DMD: variants seen among roughly 807,000 people sequenced by gnomAD.
DMD encodes mutant dystrophin.
Under a neutral mutation model 330.1 loss-of-function variants are expected in DMD, and 63 were observed. The ratio of observed to expected loss-of-function variants is 0.19; its 90% CI spans 0.16 to 0.24. The LOEUF (loss-of-function observed/expected upper bound fraction) is 0.24, where lower values mean the gene tolerates loss of function less well. Among genes scored for constraint, DMD ranks in the 10% least tolerant of loss-of-function variants. The pLI, the probability that DMD is intolerant of heterozygous loss-of-function variation, is 1.00. For missense variants in DMD, 3,344 were observed against 2,684.1 expected, an observed-to-expected ratio of 1.25 and a Z score of -5.43; for synonymous variants, 1,223 against 959.8, an observed-to-expected ratio of 1.27 and a Z score of -5.07.
intron 30 of DMD, among the ~76,000 whole-genome samples, chrX:32,401,787 C>T (rs1285982163): frequency 8.9e-6 from 1 of 112,723 alleles, no homozygotes; most frequent in Non-Finnish European, 1.9e-5. Flanking sequence ...GATTTGATTG[C>T]TACGCATTGC....
chrX:31,510,796 A>T (rs756673464), intron 55 of DMD, among the ~76,000 whole-genome samples: 10 of 111,078 alleles, frequency 9.0e-5, no homozygotes, highest in South Asian at 3.8e-4. Flanking sequence ...GGCGTGAGCC[A>T]CCACACCTGG....
Position 31,228,442 on chromosome X carries a change from C to T in DMD, c.9287-5321G>A, listed in dbSNP as rs1204537456. ...GTTAACTGCCTGTGTTGTTTGAGTCCGCATGTGTTGCTAGGAGTCTGCAGC... is the reference window on the plus strand; with the variant it reads ...GTTAACTGCCTGTGTTGTTTGAGTCTGCATGTGTTGCTAGGAGTCTGCAGC... On this transcript the variant is annotated intron_variant, in intron 63 of 78. Transcript: ENST00000357033. Among the ~76,000 whole-genome samples, 5 of 110,175 alleles carry T rather than the reference C, an allele frequency of 4.5e-5. No individual in the cohort carries two copies. The Admixed American group carries it at 4.8e-4, about 11-fold the overall frequency.
At chrX:32,150,112 G>T (rs1162768419) in intron 44 of DMD, among the ~76,000 whole-genome samples, 2 of 112,409 alleles carry the variant, frequency 1.8e-5, no homozygotes, top group Non-Finnish European at 3.8e-5. Flanking sequence ...GGAGCTAGTT[G>T]TTGGGAGTAA....
In DMD at chrX:31,556,518, C is replaced by CAAA. The variant is rs56984431; in HGVS notation, c.8218-49068_8218-49066dup. Among the ~76,000 whole-genome samples the CAAA allele has an allele frequency of 3.5e-4, 22 of 62,913 alleles. 1 individual carries two copies. Among genetic ancestry groups the CAAA allele is most frequent in the African/African-American group, 1.0e-3 (19 of 18,724 alleles). The allele number at this position is 62,913 out of a possible 115,157, so 54.6% of individuals were successfully genotyped here. ...TTGACTTCCTGTGAAGTGAAAAAAG[C>CAAA]AAAAAAAAAAAAAAAAATCTTGAAA... is the stretch of plus-strand genomic sequence containing the variant. On this transcript the variant is annotated intron_variant, in intron 55 of 78. Transcript: ENST00000357033.
At chrX:33,023,501 G>C (rs2093950696) in intron 1 of DMD, among the ~76,000 whole-genome samples, 1 of 111,543 alleles carries the variant, frequency 9.0e-6, no homozygotes, top group Admixed American at 9.6e-5. Context: ...CGTTGCTTTA[G>C]TCTTTTACGG....
chrX:31,154,011 G>C (rs896107430), intron 74 of DMD, among the ~76,000 whole-genome samples: 29 of 112,349 alleles, frequency 2.6e-4, no homozygotes, highest in African/African-American at 8.7e-4. Flanking sequence ...GTTTGAACTA[G>C]AGATGATTTT....
intron 55 of DMD, among the ~76,000 whole-genome samples, chrX:31,583,185 A>T (rs779777505): frequency 1.8e-5 from 2 of 112,202 alleles, no homozygotes; most frequent in Non-Finnish European, 3.8e-5. Flanking sequence ...GCAGATGTCA[A>T]TGTAGAATGG....
chrX:33,209,032 A>G (rs1385631462), intron 1 of DMD, among the ~76,000 whole-genome samples: 1 of 111,476 alleles, frequency 9.0e-6, no homozygotes, highest in Non-Finnish European at 1.9e-5. Context: ...AATGAATGCT[A>G]TAGGAATAAA....
intron 54 of DMD, among the ~76,000 whole-genome samples, chrX:31,634,091 T>A (rs2079274641): frequency 8.9e-6 from 1 of 112,720 alleles, no homozygotes. Flanking sequence ...ACAAATTTAA[T>A]TTTCTGTTAT....
At chrX:32,035,174 A>G (rs1342069668) in intron 44 of DMD, among the ~76,000 whole-genome samples, 1 of 111,715 alleles carries the variant, frequency 9.0e-6, no homozygotes, top group Non-Finnish European at 1.9e-5. Context: ...ATCTAAATCA[A>G]AATTCTGAAA....
intron 60 of DMD, among the ~76,000 whole-genome samples, chrX:31,350,648 A>ATT (rs2058356323): frequency 9.5e-6 from 1 of 105,630 alleles, no homozygotes; most frequent in African/African-American, 3.6e-5. Context: ...AGAGAGAGAG[A>ATT]GAGAGAGAGA....
intron 55 of DMD, among the ~76,000 whole-genome samples, chrX:31,545,330 C>T (rs1369578658): frequency 9.0e-6 from 1 of 111,689 alleles, no homozygotes; most frequent in Admixed American, 9.5e-5. Flanking sequence ...AGATGAATAT[C>T]GCTGCTGCCA....
chrX:32,859,231 G>A (rs375225802), intron 2 of DMD, among the ~76,000 whole-genome samples: 1 of 110,781 alleles, frequency 9.0e-6, no homozygotes, highest in Non-Finnish European at 1.9e-5. Flanking sequence ...ACTTTGGGAC[G>A]CTGAGGCAGG....
intron 63 of DMD, among the ~76,000 whole-genome samples, chrX:31,250,460 T>A (rs143808516): frequency 1.5e-3 from 165 of 111,925 alleles, no homozygotes; most frequent in African/African-American, 5.0e-3. Context: ...CATTTTCAGG[T>A]GTTCCTGTTT....
chrX:32,895,584 T>C (rs897006797), intron 2 of DMD, among the ~76,000 whole-genome samples: 2 of 111,171 alleles, frequency 1.8e-5, no homozygotes, highest in African/African-American at 6.6e-5. Flanking sequence ...TCTGAGAGCA[T>C]TCTTGGGCAC....
At chrX:32,863,537 T>TACACACAC (rs199774174) in intron 2 of DMD, among the ~76,000 whole-genome samples, 3,097 of 78,173 alleles carry the variant, frequency 0.04, 82 homozygotes, top group African/African-American at 0.076. Flanking sequence ...ATTGTGTTTA[T>TACACACAC]ACACACACAC....
At chrX:31,412,601 A>T (rs149166692) in intron 60 of DMD, among the ~76,000 whole-genome samples, 1,272 of 111,869 alleles carry the variant, frequency 0.011, 25 homozygotes, top group African/African-American at 0.039. Context: ...ATATTGGACC[A>T]TGTGGTGACA....
chrX:33,006,198 C>T (rs2093393110), intron 2 of DMD, among the ~76,000 whole-genome samples: 1 of 111,376 alleles, frequency 9.0e-6, no homozygotes, highest in South Asian at 3.7e-4. Flanking sequence ...TTAACGCAAT[C>T]CCAATCAAAA....
chrX:32,232,571 T>A (rs1256670406), intron 43 of DMD, among the ~76,000 whole-genome samples: 6 of 111,890 alleles, frequency 5.4e-5, no homozygotes, highest in Non-Finnish European at 5.6e-5. Context: ...GAAAATGTCA[T>A]CACATCTGAC....
Sources: gnomAD v4.1 joint callset for allele counts (sites outside exome capture counted in the v4.1 genomes callset) on GRCh38, gnomAD v4.1.1 for gene constraint, MANE v1.5 for transcripts, NCBI Gene and HGNC (gene_info 2026-07-23, HGNC 2026-07-21) for gene names.